Variants in ZNF786 observed in about 807,000 individuals in gnomAD.
The protein encoded by ZNF786 is zinc finger protein 786.
In ZNF786, 56 loss-of-function variants were observed where a neutral mutation model predicts 63.1. That is an observed-to-expected ratio of 0.89 (90% confidence interval 0.72 to 1.11). The LOEUF (loss-of-function observed/expected upper bound fraction) is 1.11. ZNF786 is among the 50% of genes least tolerant of loss of function. The probability of loss-of-function intolerance (pLI) is 0.00; values close to 1 mark genes in which losing one functional copy is unlikely to be tolerated. For missense variants in ZNF786, 1,213 were observed against 1,041.8 expected (o/e 1.16, Z -2.26); for synonymous variants, 485 against 406.9 (o/e 1.19, Z -2.31).
chr7:149,082,111 G>C (rs1825662378), intron 1 of ZNF786, among the ~76,000 whole-genome samples: 1 of 152,182 alleles, frequency 6.6e-6, no homozygotes, highest in Non-Finnish European at 1.5e-5. Context: ...GAGGGGCCTG[G>C]TGGGAGGCAA....
chr7:149,084,189 C>A (rs1331346044), intron 1 of ZNF786, among the ~76,000 whole-genome samples: 2 of 151,742 alleles, frequency 1.3e-5, no homozygotes, highest in Non-Finnish European at 2.9e-5. Flanking sequence ...GGAGAAACCC[C>A]ATCTCTACTA....
intron 1 of ZNF786, among the ~76,000 whole-genome samples, chr7:149,081,435 C>CAAA (rs749538585): frequency 2.4e-4 from 11 of 46,222 alleles, no homozygotes; most frequent in Non-Finnish European, 3.4e-4. Flanking sequence ...GACTCGGTCT[C>CAAA]AAAAAAAAAA....
rs753087885 is a variant in ZNF786 at position 149,080,634 on chromosome 7, G to C, written c.102C>G (p.Tyr34Ter). ...CATAATTGCTTCTCATCACATGCTTGTAAAGTTCCTTCTGCCATGCCTCTA... is the reference window on the plus strand; with the variant it reads ...CATAATTGCTTCTCATCACATGCTTCTAAAGTTCCTTCTGCCATGCCTCTA... ...QDLEAWQKEL[Y>*]KHVMRSNYET... is the part of the protein sequence containing the mutation. Residue 34 changes from tyrosine (Y) to a stop codon, truncating the protein, a stop_gained, in exon 2 of 4, where the codon TAC (tyrosine) becomes TAG (stop). Coordinates refer to ENST00000491431, the MANE Select transcript of ZNF786 (RefSeq NM_152411.4). LOFTEE classifies it high-confidence loss of function. 1.2e-6 allele frequency: 2 copies of C among 1,612,868 alleles called. No homozygotes were observed. Among genetic ancestry groups the C allele is most frequent in the Non-Finnish European group, 1.7e-6 (2 of 1,179,700 alleles).
rs551410906 is a variant in ZNF786 at position 149,079,326 on chromosome 7, G to A, written c.145+1265C>T. 1.4e-3 allele frequency among the ~76,000 whole-genome samples: 219 copies of A among 151,688 alleles called. 1 individual carries two copies. The highest frequency in any genetic ancestry group is 3.4e-3 in the Middle Eastern group (1 of 294). On this transcript the variant is annotated intron_variant, in intron 2 of 3. Transcript: ENST00000491431. ...CGGGAGGCTGAGGCAGGAGAATGAC[G>A]TGAACCCGTAAGGCGGAGCTTGCAG...
At chr7:149,083,883 C>A (rs1585469970) in intron 1 of ZNF786, among the ~76,000 whole-genome samples, 1 of 152,314 alleles carries the variant, frequency 6.6e-6, no homozygotes. Context: ...TTTATGGCTG[C>A]ATAGTATTCC....
intron 1 of ZNF786, among the ~76,000 whole-genome samples, chr7:149,089,291 A>C (rs576344161): frequency 6.7e-6 from 1 of 149,986 alleles, no homozygotes; most frequent in African/African-American, 2.5e-5. Flanking sequence ...TTAATTTTGT[A>C]TAGTGTTCCA....
At chr7:149,074,311 A>G in intron 3 of ZNF786, 75 bp downstream of exon 3, 1 of 1,555,790 alleles carries the variant, frequency 6.4e-7, no homozygotes, top group Non-Finnish European at 8.7e-7. Context: ...CCCAAACAGG[A>G]TGACAAGATC....
intron 1 of ZNF786, among the ~76,000 whole-genome samples, chr7:149,083,769 G>A (rs970172151): frequency 3.0e-4 from 46 of 152,032 alleles, no homozygotes; most frequent in African/African-American, 1.0e-3. Flanking sequence ...TGTTTAGCTC[G>A]CCCTTATAAG....
At chr7:149,089,110 G>A (rs1193937672) in intron 1 of ZNF786, among the ~76,000 whole-genome samples, 3 of 151,578 alleles carry the variant, frequency 2.0e-5, no homozygotes, top group Admixed American at 6.6e-5. Context: ...CACACGCCCA[G>A]CTAATTTTTG....
intron 1 of ZNF786, among the ~76,000 whole-genome samples, chr7:149,083,305 C>T (rs180671751): frequency 2.0e-4 from 30 of 152,102 alleles, no homozygotes; most frequent in African/African-American, 6.5e-4. Flanking sequence ...AACCTCCACC[C>T]ACCAGGGTTC....
chr7:149,087,180 T>C (rs901114441), intron 1 of ZNF786, among the ~76,000 whole-genome samples: 2 of 152,178 alleles, frequency 1.3e-5, no homozygotes, highest in African/African-American at 4.8e-5. Flanking sequence ...GGGACAAATA[T>C]CCAAACTGCA....
rs546683011 is a variant in ZNF786 at position 149,088,149 on chromosome 7, C to T, written c.18+2474G>A. On this transcript the variant is annotated intron_variant, in intron 1 of 3. Transcript: ENST00000491431. ...TCTCGAGTATCTGGGATTACAGGTG[C>T]CCGCCACCACGTCCAGCTAATTTTT... Among the ~76,000 whole-genome samples, 8 of 152,116 alleles carry T rather than the reference C, an allele frequency of 5.3e-5. No homozygotes were observed. In the South Asian group the frequency reaches 1.7e-3, roughly 32 times the overall value.
At position 149,071,993 on chromosome 7, in the gene ZNF786, G is replaced by T. The variant is rs768328668; in HGVS notation, c.779C>A (p.Ala260Glu). Residue 260 changes from alanine to glutamate, a missense_variant, in exon 4 of 4, where the codon GCG (alanine) becomes GAG (glutamate). Coordinates refer to ENST00000491431, the MANE Select transcript of ZNF786 (RefSeq NM_152411.4). ...RRKLCLLRHL[A>E]AHTGRGPFRN... ...GAAGGGGCCCCTCCCCGTGTGGGCC[G>T]CCAGATGGCGCAGCAGACACAGCTT... is the stretch of plus-strand genomic sequence containing the variant. 1.2e-6 allele frequency: 2 copies of T among 1,612,646 alleles called. No individual in the cohort carries two copies. The highest frequency in any genetic ancestry group is 2.2e-5 in the South Asian group (2 of 91,068).
rs534593650 is a variant in ZNF786, at chr7:149,085,911, T to A, written c.18+4712A>T. Among the ~76,000 whole-genome samples, 120 of 152,320 alleles carry A rather than the reference T, an allele frequency of 7.9e-4. 1 individual carries two copies. Among genetic ancestry groups the A allele is most frequent in the African/African-American group, 2.9e-3 (119 of 41,566 alleles). On this transcript the variant is annotated intron_variant, in intron 1 of 3. Coordinates refer to ENST00000491431, the MANE Select transcript of ZNF786 (RefSeq NM_152411.4). ...TGTTGTTGGTGTATAGGAATGCTAC[T>A]GATTTTTGTACACTGATTTTTGTAT...
At chr7:149,087,545 T>G (rs1825758031) in intron 1 of ZNF786, among the ~76,000 whole-genome samples, 1 of 152,170 alleles carries the variant, frequency 6.6e-6, no homozygotes, top group African/African-American at 2.4e-5. Context: ...ATGTTAGTAG[T>G]GGCAAGGGTG....
At chr7:149,085,191 G>T (rs1367969022) in intron 1 of ZNF786, among the ~76,000 whole-genome samples, 2 of 151,046 alleles carry the variant, frequency 1.3e-5, no homozygotes, top group African/African-American at 2.5e-5. Context: ...TTTGGTTACT[G>T]TAGCCTTGTA....
At chr7:149,079,681 C>T (rs1244303297) in intron 2 of ZNF786, among the ~76,000 whole-genome samples, 1 of 148,410 alleles carries the variant, frequency 6.7e-6, no homozygotes, top group Non-Finnish European at 1.5e-5. Context: ...AGTGATTCTC[C>T]TGCCTCAGTC....
intron 2 of ZNF786, 132 bp downstream of exon 2, chr7:149,080,459 T>C: frequency 1.2e-6 from 1 of 821,860 alleles, no homozygotes; most frequent in Non-Finnish European, 1.8e-6. Context: ...AACAATAGAT[T>C]GCAGGGTAAA....
Position 149,071,156 on chromosome 7 carries a change from C to G in ZNF786, c.1616G>C (p.Cys539Ser), listed in dbSNP as rs1466053615. Residue 539 changes from cysteine to serine, a missense_variant, in exon 4 of 4, where the codon TGC becomes TCC. Cys to Ser is a moderately radical substitution (Grantham distance 112). Transcript: ENST00000491431. ...RVHSGERPFQ[C>S]LKCDKRFRLK... ...GCGGAAGCGCTTGTCGCACTTCAGG[C>G]ACTGGAAGGGCCTCTCCCCGCTGTG... The G allele has an allele frequency of 6.2e-7, 1 of 1,612,392 alleles. No homozygotes were observed.
Sources: gnomAD v4.1 joint callset for allele counts (sites outside exome capture counted in the v4.1 genomes callset) on GRCh38, gnomAD v4.1.1 for gene constraint, MANE v1.5 for transcripts, NCBI Gene and HGNC (gene_info 2026-07-23, HGNC 2026-07-21) for gene names.